Variants in SLC20A2 observed in about 807,000 individuals in gnomAD.
SLC20A2 encodes the protein sodium-dependent phosphate transporter 2.
SLC20A2 carries 30 observed loss-of-function variants against 61.0 expected under a neutral mutation model. The observed-to-expected ratio is 0.49, with a 90% CI of 0.37 to 0.67. The LOEUF is 0.67. Ranked by LOEUF, SLC20A2 falls within the 30% of genes least tolerant of loss-of-function variation. SLC20A2 has a pLI of 0.00. For missense variants in SLC20A2, 626 were observed against 866.4 expected, an observed-to-expected ratio of 0.72 and a Z score of 3.48; for synonymous variants, 351 against 353.3, an observed-to-expected ratio of 0.99 and a Z score of 0.07.
intron 4 of SLC20A2, 98 bp from the exon 5 acceptor site, chr8:42,460,090 C>A (rs1043953011): frequency 3.9e-5 from 27 of 693,320 alleles, no homozygotes; most frequent in Non-Finnish European, 6.7e-5. Flanking sequence ...ACAAGAAACT[C>A]TTCCCAAACC....
rs570680316 is a variant in SLC20A2 at position 42,500,771 on chromosome 8, A to T, written c.-265+260T>A. Among the ~76,000 whole-genome samples, 28 of 152,364 alleles carry T rather than the reference A, an allele frequency of 1.8e-4. No individual in the cohort carries two copies. In the South Asian group the frequency reaches 5.6e-3, roughly 30 times the overall value. On this transcript the variant is annotated intron_variant, in intron 1 of 10. Coordinates refer to ENST00000520262, the MANE Select transcript of SLC20A2 (RefSeq NM_001257180.2). ...ATCCATTAATCAAATATTTTAACAT[A>T]AAATAATAATCTACAGATTGCTTTT...
rs201723106 is a variant in SLC20A2, at chr8:42,527,717, G to A, written c.-265+14104C>T. Among the ~76,000 whole-genome samples the A allele has an allele frequency of 8.1e-4, 123 of 151,460 alleles. No homozygotes were observed. The South Asian group carries it at 0.013, about 16-fold the overall frequency. On this transcript the variant is annotated intron_variant, in intron 1 of 10. Coordinates refer to the SLC20A2 transcript ENST00000342228. The stretch of plus-strand genomic sequence containing the variant: ...CAGGAGGTGGAGGCTGCGGTGAGCC[G>A]AGATCGCGCCACTGCACTCCAGCTT...
intron 8 of SLC20A2, among the ~76,000 whole-genome samples, chr8:42,430,890 T>C (rs979261146): frequency 6.6e-6 from 1 of 152,186 alleles, no homozygotes; most frequent in African/African-American, 2.4e-5. Flanking sequence ...CATGAACTGT[T>C]CCCATATGAG....
At chr8:42,467,271 C>T (rs1807247931) in intron 2 of SLC20A2, among the ~76,000 whole-genome samples, 1 of 152,202 alleles carries the variant, frequency 6.6e-6, no homozygotes, top group Non-Finnish European at 1.5e-5. Flanking sequence ...TTAGTGTTGG[C>T]TTTGTGTCCT....
At chr8:42,539,264 C>G (rs532881852) in intron 1 of SLC20A2, among the ~76,000 whole-genome samples, 1 of 152,312 alleles carries the variant, frequency 6.6e-6, no homozygotes, top group African/African-American at 2.4e-5. Context: ...ACATCCAACT[C>G]TCCAGTCCTT....
At chr8:42,498,798 C>T (rs1321529283) in intron 1 of SLC20A2, among the ~76,000 whole-genome samples, 1 of 148,238 alleles carries the variant, frequency 6.7e-6, no homozygotes, top group Non-Finnish European at 1.5e-5. Context: ...GATGTGATCA[C>T]TGAGCATCCG....
intron 5 of SLC20A2, among the ~76,000 whole-genome samples, chr8:42,457,825 C>G (rs1441080657): frequency 6.6e-6 from 1 of 152,084 alleles, no homozygotes; most frequent in East Asian, 1.9e-4. Flanking sequence ...GAACACTACA[C>G]AGATACCACA....
chr8:42,526,260 C>A (rs764896425), intron 1 of SLC20A2, among the ~76,000 whole-genome samples: 16 of 152,132 alleles, frequency 1.1e-4, no homozygotes, highest in Non-Finnish European at 2.2e-4. Flanking sequence ...AACTCCTAAC[C>A]CCAGCATAAC....
At chr8:42,540,434 A>G (rs1813027303) in intron 1 of SLC20A2, among the ~76,000 whole-genome samples, 1 of 152,236 alleles carries the variant, frequency 6.6e-6, no homozygotes, top group South Asian at 2.1e-4. Context: ...TCAGTACTCA[A>G]CATCACCTGT....
chr8:42,489,082 G>C (rs1039711382), intron 1 of SLC20A2, among the ~76,000 whole-genome samples: 3 of 151,818 alleles, frequency 2.0e-5, no homozygotes, highest in Non-Finnish European at 4.4e-5. Context: ...TGGGATTACA[G>C]ATGCCTGCTA....
chr8:42,430,195 T>C lies in SLC20A2; in HGVS notation c.1578A>G (p.Val526=), dbSNP rs760699264. 2.5e-6 allele frequency: 4 copies of C among 1,613,904 alleles called. No individual in the cohort carries two copies. In the African/African-American group the frequency reaches 5.3e-5, roughly 22 times the overall value. Reference sequence around the variant, plus strand: ...AGACGGGTGTAGCTGCTTCTTGCGTTACCCCGCCTTGTTTGTAAATCAGCC... The same window carrying C: ...AGACGGGTGTAGCTGCTTCTTGCGTCACCCCGCCTTGTTTGTAAATCAGCC... ...ALWLIYKQGG[V]TQEAATPVWL... The change falls in exon 9 of 11, where the codon GTA becomes GTG. Residue 526 remains valine, a synonymous_variant. Coordinates refer to ENST00000520262, the MANE Select transcript of SLC20A2 (RefSeq NM_001257180.2).
intron 1 of SLC20A2, among the ~76,000 whole-genome samples, chr8:42,497,170 A>G (rs1220111566): frequency 6.6e-6 from 1 of 152,228 alleles, no homozygotes; most frequent in Non-Finnish European, 1.5e-5. Context: ...GCTGGAAGGG[A>G]CTTTGAGAGG....
intron 1 of SLC20A2, among the ~76,000 whole-genome samples, chr8:42,530,586 T>C (rs1240308620): frequency 1.3e-5 from 2 of 152,266 alleles, no homozygotes; most frequent in African/African-American, 4.8e-5. Flanking sequence ...TGCTCAACTG[T>C]TGCAAATTTT....
intron 1 of SLC20A2, among the ~76,000 whole-genome samples, chr8:42,513,758 A>G (rs1458603722): frequency 1.3e-5 from 2 of 152,192 alleles, no homozygotes; most frequent in African/African-American, 4.8e-5. Context: ...ACAGGTATAT[A>G]AATAATTATA....
At chr8:42,513,628 A>G (rs956576441) in intron 1 of SLC20A2, among the ~76,000 whole-genome samples, 6 of 152,176 alleles carry the variant, frequency 3.9e-5, no homozygotes, top group Non-Finnish European at 7.4e-5. Flanking sequence ...GGCTGGTTGT[A>G]CATTCTCATG....
chr8:42,493,373 C>T (rs1025043418), intron 1 of SLC20A2, among the ~76,000 whole-genome samples: 2 of 152,114 alleles, frequency 1.3e-5, no homozygotes, highest in Non-Finnish European at 2.9e-5. Context: ...TGAGATACAC[C>T]GTGATACTAC....
chr8:42,438,743 A>G (rs2131018041), intron 7 of SLC20A2, among the ~76,000 whole-genome samples: 1 of 151,036 alleles, frequency 6.6e-6, no homozygotes, highest in Middle Eastern at 3.5e-3. Flanking sequence ...TTGAGATGGA[A>G]TCTCACTCTG....
intron 5 of SLC20A2, among the ~76,000 whole-genome samples, chr8:42,455,257 T>TATAGAGAGAGAGAGAGAGAGAG (rs1357416749): frequency 1.2e-5 from 1 of 81,622 alleles, no homozygotes; most frequent in African/African-American, 4.4e-5. Flanking sequence ...TATATATATA[T>TATAGAGAGAGAGAGAGAGAGAG]AGAGAGAGAG....
At chr8:42,468,156 C>A (rs187700773) in intron 2 of SLC20A2, among the ~76,000 whole-genome samples, 56 of 152,216 alleles carry the variant, frequency 3.7e-4, no homozygotes, top group African/African-American at 1.3e-3. Context: ...CCTGCCTCGG[C>A]CTCCCAAAGT....
Sources: gnomAD v4.1 joint callset for allele counts (sites outside exome capture counted in the v4.1 genomes callset) on GRCh38, gnomAD v4.1.1 for gene constraint, MANE v1.5 for transcripts, NCBI Gene and HGNC (gene_info 2026-07-23, HGNC 2026-07-21) for gene names.